Variants in NRXN1 observed in about 807,000 individuals in gnomAD.
The protein encoded by NRXN1 is neurexin 1.
A neutral mutation model predicts 150.9 loss-of-function variants in NRXN1; 39 were observed. The ratio of observed to expected loss-of-function variants is 0.26; its 90% CI spans 0.20 to 0.34. NRXN1 has a LOEUF of 0.34. Among genes scored for constraint, NRXN1 ranks in the 10% least tolerant of loss-of-function variants. NRXN1 has a pLI of 1.00. For synonymous variants in NRXN1, 924 were observed against 757.0 expected, an observed-to-expected ratio of 1.22 and a Z score of -3.62; for missense variants, 1,815 against 1,949.9, an observed-to-expected ratio of 0.93 and a Z score of 1.30.
intron 17 of NRXN1, among the ~76,000 whole-genome samples, chr2:50,276,115 C>T (rs1239580729): frequency 6.6e-6 from 1 of 151,468 alleles, no homozygotes; most frequent in African/African-American, 2.4e-5. Flanking sequence ...ACCATAGAAA[C>T]GTGAGAAACT....
At chr2:50,984,933 A>G (rs1575129243) in intron 2 of NRXN1, among the ~76,000 whole-genome samples, 1 of 152,090 alleles carries the variant, frequency 6.6e-6, no homozygotes, top group East Asian at 1.9e-4. Context: ...GTTACATAAC[A>G]CTGTCAGTTA....
chr2:50,807,883 A>C, intron 5 of NRXN1, among the ~76,000 whole-genome samples: 1 of 152,178 alleles, frequency 6.6e-6, no homozygotes, highest in East Asian at 1.9e-4. Context: ...TTTCTAGAAA[A>C]AATATATTAA....
chr2:50,939,184 C>T lies in NRXN1; in HGVS notation c.773-13229G>A, dbSNP rs190806346. On this transcript the variant is annotated intron_variant, in intron 2 of 22. Coordinates refer to ENST00000401669, the MANE Select transcript of NRXN1 (RefSeq NM_001330078.2). ...TGAGATCACACCACTGCACTCTAGC[C>T]TGGGCAACAGAGCGAGACTCCATCT... 7.1e-4 allele frequency among the ~76,000 whole-genome samples: 92 copies of T among 129,220 alleles called. 1 individual carries two copies. The highest frequency in any genetic ancestry group is 2.6e-3 in the African/African-American group (86 of 33,298). The allele number at this position is 129,220 out of a possible 152,430, so 84.8% of individuals were successfully genotyped here.
At chr2:50,464,132 T>G (rs2088555745) in intron 17 of NRXN1, 1 of 151,804 alleles carries the variant, frequency 6.6e-6, no homozygotes, top group South Asian at 2.1e-4. Context: ...CGTTATTGTG[T>G]TTTAAGTGTG....
At chr2:50,239,766 A>G (rs1240855602) in intron 17 of NRXN1, among the ~76,000 whole-genome samples, 1 of 140,908 alleles carries the variant, frequency 7.1e-6, no homozygotes, top group African/African-American at 2.6e-5. Context: ...AGAAAAAGTT[A>G]ATTGGATGTC....
In NRXN1 at chr2:50,107,517, C is replaced by CTATA. The variant is rs1333614060; in HGVS notation, c.3547-16024_3547-16023insTATA. On this transcript the variant is annotated intron_variant, in intron 18 of 22. Transcript: ENST00000401669. ...TTATTGTCACATGCTACATTCCAGA[C>CTATA]TACATATATATATATATATATATTT... 2.2e-4 allele frequency among the ~76,000 whole-genome samples: 27 copies of CTATA among 123,820 alleles called. 1 individual carries two copies. The highest frequency in any genetic ancestry group is 1.0e-3 in the South Asian group (4 of 3,926). The allele number at this position is 123,820 out of a possible 152,430, so 81.2% of individuals were successfully genotyped here.
intron 2 of NRXN1, among the ~76,000 whole-genome samples, chr2:51,024,363 T>G (rs1670094958): frequency 6.6e-6 from 1 of 152,160 alleles, no homozygotes; most frequent in Non-Finnish European, 1.5e-5. Flanking sequence ...TTTACGTTTT[T>G]TTTTCCCTTG....
At chr2:50,356,986 A>T (rs574414584) in intron 17 of NRXN1, among the ~76,000 whole-genome samples, 1 of 152,284 alleles carries the variant, frequency 6.6e-6, no homozygotes, top group Admixed American at 6.5e-5. Context: ...CAATGCCCTT[A>T]AATGATGAAA....
At chr2:50,977,185 G>T (rs1695977250) in intron 2 of NRXN1, among the ~76,000 whole-genome samples, 1 of 151,662 alleles carries the variant, frequency 6.6e-6, no homozygotes, top group Non-Finnish European at 1.5e-5. Context: ...AAAAAGAAAA[G>T]GAAAGAGAAA....
At chr2:50,761,911 G>T (rs902701218) in intron 5 of NRXN1, among the ~76,000 whole-genome samples, 6 of 151,748 alleles carry the variant, frequency 4.0e-5, no homozygotes, top group Admixed American at 2.0e-4. Context: ...TCAGCTTTTG[G>T]ACTCTTGGAC....
intron 5 of NRXN1, among the ~76,000 whole-genome samples, chr2:50,826,885 G>A (rs1037314218): frequency 6.6e-6 from 1 of 152,160 alleles, no homozygotes; most frequent in Admixed American, 6.5e-5. Context: ...TCAGCATTTA[G>A]ATGGCATTAA....
intron 17 of NRXN1, among the ~76,000 whole-genome samples, chr2:50,422,384 C>T (rs1482733312): frequency 6.6e-6 from 1 of 151,838 alleles, no homozygotes; most frequent in African/African-American, 2.4e-5. Context: ...GATTATTTTC[C>T]CAGAGAAAGA....
At chr2:50,633,643 G>A (rs1421343424) in intron 5 of NRXN1, among the ~76,000 whole-genome samples, 3 of 151,890 alleles carry the variant, frequency 2.0e-5, no homozygotes. Context: ...CTTCACAGTA[G>A]GAGCACAAGA....
rs1290139684 is a variant in NRXN1, at chr2:50,346,740, T to C, written c.3365-109770A>G. On this transcript the variant is annotated intron_variant, in intron 17 of 22. Transcript: ENST00000401669. This position sits in a 1 kb window ranked among gnomAD's most constrained non-coding sequence, Gnocchi z 5.0. ...GTGACCTGTAGATTGCAATAGGCAC[T>C]GAATGATGCTTGCTGCTGCCATGGA... 1.9e-6 allele frequency: 3 copies of C among 1,613,810 alleles called. No individual in the cohort carries two copies. Among genetic ancestry groups the C allele is most frequent in the Non-Finnish European group, 2.5e-6 (3 of 1,179,956 alleles).
chr2:50,374,127 T>C (rs1187992576), intron 17 of NRXN1, among the ~76,000 whole-genome samples: 1 of 151,174 alleles, frequency 6.6e-6, no homozygotes, highest in Non-Finnish European at 1.5e-5. Flanking sequence ...CTCGTCTCTA[T>C]TTCAAAAAGA....
At chr2:50,488,599 T>C (rs537662288) in intron 15 of NRXN1, among the ~76,000 whole-genome samples, 5 of 152,252 alleles carry the variant, frequency 3.3e-5, no homozygotes, top group Admixed American at 6.5e-5. Context: ...GCATTGATCT[T>C]TCTCTGTTCT....
intron 9 of NRXN1, among the ~76,000 whole-genome samples, chr2:50,542,520 A>G (rs536171117): frequency 1.3e-5 from 2 of 152,358 alleles, no homozygotes; most frequent in African/African-American, 4.8e-5. Context: ...CTGAAAATCA[A>G]GTACTACTTT....
rs116581860 is a variant in NRXN1, at chr2:50,211,215, C to A, written c.3546+25574G>T. On this transcript the variant is annotated intron_variant, in intron 18 of 22. Coordinates refer to ENST00000401669, the MANE Select transcript of NRXN1 (RefSeq NM_001330078.2). ...CCAATATAAGAATTAACCATAGGAA[C>A]TGCTGAAAAACCTCCCCTTAAATGG... Among the ~76,000 whole-genome samples, 1,370 of 151,734 alleles carry A rather than the reference C, an allele frequency of 9.0e-3. 21 individuals carry two copies. Among genetic ancestry groups the A allele is most frequent in the African/African-American group, 0.031 (1,303 of 41,508 alleles).
At chr2:50,814,177 G>C (rs1668608377) in intron 5 of NRXN1, among the ~76,000 whole-genome samples, 1 of 151,934 alleles carries the variant, frequency 6.6e-6, no homozygotes, top group Non-Finnish European at 1.5e-5. Context: ...GTTTTTGTTT[G>C]GTAGAGGTAG....
Sources: gnomAD v4.1 joint callset for allele counts (sites outside exome capture counted in the v4.1 genomes callset) on GRCh38, gnomAD v4.1.1 for gene constraint, Gnocchi (gnomAD v3.1) non-coding constraint, MANE v1.5 for transcripts, NCBI Gene and HGNC (gene_info 2026-07-23, HGNC 2026-07-21) for gene names.